Variants in LATS1 observed in about 807,000 individuals in gnomAD.
LATS1 encodes serine/threonine-protein kinase LATS1.
A neutral mutation model predicts 106.6 loss-of-function variants in LATS1; 25 were observed. The observed-to-expected ratio is 0.23, with a 90% confidence interval of 0.17 to 0.33. The LOEUF (loss-of-function observed/expected upper bound fraction) is 0.33, where lower values mean the gene tolerates loss of function less well. Among genes scored for constraint, LATS1 ranks in the 10% least tolerant of loss-of-function variants. LATS1 has a pLI of 1.00. For synonymous variants in LATS1, 465 were observed against 455.6 expected, an observed-to-expected ratio of 1.02 and a Z score of -0.26; for missense variants, 1,040 against 1,382.6, an observed-to-expected ratio of 0.75 and a Z score of 3.93.
intron 1 of LATS1, among the ~76,000 whole-genome samples, chr6:149,711,635 C>A (rs1024161252): frequency 3.3e-5 from 5 of 152,072 alleles, no homozygotes; most frequent in Non-Finnish European, 5.9e-5. Context: ...ACCCTTGGGT[C>A]CCCGACTTCT....
intron 1 of LATS1, among the ~76,000 whole-genome samples, chr6:149,702,860 A>G (rs190411506): frequency 2.9e-4 from 44 of 151,594 alleles, no homozygotes; most frequent in African/African-American, 9.0e-4. Flanking sequence ...TTTTTAGTAG[A>G]GAGGGGGTTT....
intron 7 of LATS1, chr6:149,675,671 C>T (rs1422421095): frequency 1.3e-5 from 2 of 152,374 alleles, no homozygotes; most frequent in Admixed American, 6.5e-5. Flanking sequence ...ATTTTCCCGC[C>T]TCAGCTTCCC....
intron 2 of LATS1, among the ~76,000 whole-genome samples, chr6:149,700,300 C>T (rs556653483): frequency 1.3e-5 from 2 of 152,054 alleles, no homozygotes; most frequent in East Asian, 3.9e-4. Context: ...ATGGTGAAAC[C>T]CCATCTCTAC....
At chr6:149,663,407 C>T (rs1001229605) in intron 7 of LATS1, among the ~76,000 whole-genome samples, 1 of 151,574 alleles carries the variant, frequency 6.6e-6, no homozygotes, top group South Asian at 2.1e-4. Context: ...CCAGGGAGGT[C>T]GAGGCTAGAG....
At chr6:149,708,908 C>T (rs1255831432) in intron 1 of LATS1, among the ~76,000 whole-genome samples, 1 of 152,100 alleles carries the variant, frequency 6.6e-6, no homozygotes, top group Non-Finnish European at 1.5e-5. Context: ...TTAGATCTTA[C>T]TATATAGGTA....
At chr6:149,669,262 T>C (rs1781323294) in intron 7 of LATS1, among the ~76,000 whole-genome samples, 1 of 151,868 alleles carries the variant, frequency 6.6e-6, no homozygotes, top group Non-Finnish European at 1.5e-5. Context: ...GCCTCCTGAG[T>C]AGCTGGCACT....
intron 7 of LATS1, among the ~76,000 whole-genome samples, chr6:149,664,331 C>A (rs1410105552): frequency 8.5e-6 from 1 of 117,458 alleles, no homozygotes; most frequent in Non-Finnish European, 1.7e-5. Flanking sequence ...TCATTAGAGT[C>A]TCAAAAGGTA....
intron 3 of LATS1, among the ~76,000 whole-genome samples, chr6:149,692,497 G>A (rs1301973104): frequency 6.6e-6 from 1 of 151,964 alleles, no homozygotes; most frequent in Non-Finnish European, 1.5e-5. Flanking sequence ...ATATATAGCT[G>A]TAATTCTACA....
rs185313709 is a variant in LATS1 at position 149,717,935 on chromosome 6, A to G, written c.-227T>C. Reference sequence around the variant, plus strand: ...GCCAGAGTCCGTCCCAGCAACCCCAAGTATCCCTGGTGGGGCAGAGCGGGG... The same window carrying G: ...GCCAGAGTCCGTCCCAGCAACCCCAGGTATCCCTGGTGGGGCAGAGCGGGG... On this transcript the variant is annotated 5_prime_UTR_variant, in exon 1 of 8. Transcript: ENST00000543571. 164 of 362,340 alleles carry G rather than the reference A, an allele frequency of 4.5e-4. No individual in the cohort carries two copies. Among genetic ancestry groups the G allele is most frequent in the African/African-American group, 2.9e-3 (128 of 43,522 alleles). 22.4% of individuals were successfully genotyped at this position (362,340 alleles called of 1,614,324 possible). A position where few individuals can be genotyped will look rare whatever the true frequency, so the allele number is the denominator to read the frequency against.
At position 149,702,233 on chromosome 6, in the gene LATS1, C is replaced by T. The variant is rs1582913441; in HGVS notation, c.-107G>A. On this transcript the variant is annotated 5_prime_UTR_variant, in exon 2 of 8. Coordinates refer to ENST00000543571, the MANE Select transcript of LATS1 (RefSeq NM_004690.4). ...TGATCCTTCAAGGAAGTCCCCAGGA[C>T]TGTTAAAATTCTTTACAATATAAAT... 1 of 652,566 alleles carries T rather than the reference C, an allele frequency of 1.5e-6. No homozygotes were observed. Among genetic ancestry groups the T allele is most frequent in the African/African-American group, 1.8e-5 (1 of 55,022 alleles). The allele number at this position is 652,566 out of a possible 1,614,324, so 40.4% of individuals were successfully genotyped here.
chr6:149,693,619 C>A (rs75975190), intron 3 of LATS1, among the ~76,000 whole-genome samples: 1 of 52,558 alleles, frequency 1.9e-5, no homozygotes, highest in Non-Finnish European at 3.5e-5. Context: ...CAAAAACAAA[C>A]AAACAAACAA....
At chr6:149,707,720 G>A (rs765157555) in intron 1 of LATS1, among the ~76,000 whole-genome samples, 1 of 152,148 alleles carries the variant, frequency 6.6e-6, no homozygotes, top group Non-Finnish European at 1.5e-5. Flanking sequence ...GAAAATACTT[G>A]TGGATAAAAT....
At chr6:149,673,507 AT>A (rs1235090177) in intron 7 of LATS1, among the ~76,000 whole-genome samples, 2 of 151,480 alleles carry the variant, frequency 1.3e-5, no homozygotes, top group Non-Finnish European at 2.9e-5. Context: ...AAAGCATACA[AT>A]TTTTTTTCTC....
intron 1 of LATS1, among the ~76,000 whole-genome samples, chr6:149,717,193 G>C (rs539534993): frequency 1.3e-5 from 2 of 152,216 alleles, no homozygotes; most frequent in African/African-American, 4.8e-5. Flanking sequence ...CTTAGAAATT[G>C]ACAGAGAAGT....
rs2114817813 is a variant in LATS1, at chr6:149,683,541, G to A, written c.1548C>T (p.His516=). ...PELQTALAPT[H]PSWIPQPIQT... ...GAATTGGCTGTGGTATCCAAGAAGG[G>A]TGTGTAGGTGCTAAAGCAGTCTGTA... is the stretch of plus-strand genomic sequence containing the variant. The change falls in exon 4 of 8, where the codon CAC becomes CAT. Residue 516 remains histidine, a synonymous_variant. Transcript: ENST00000543571. 2 of 1,614,234 alleles carry A rather than the reference G, an allele frequency of 1.2e-6. No homozygotes were observed. The highest frequency in any genetic ancestry group is 4.5e-5 in the East Asian group (2 of 44,894).
At chr6:149,690,601 C>T (rs1782686720) in intron 3 of LATS1, among the ~76,000 whole-genome samples, 1 of 151,062 alleles carries the variant, frequency 6.6e-6, no homozygotes, top group African/African-American at 2.4e-5. Flanking sequence ...GGCTGGAGTG[C>T]AGCGGCGCAA....
chr6:149,682,215 T>C (rs1325056145), intron 4 of LATS1, among the ~76,000 whole-genome samples: 1 of 152,120 alleles, frequency 6.6e-6, no homozygotes, highest in African/African-American at 2.4e-5. Context: ...TCCCTTTTAG[T>C]ATAGTTTCAC....
At chr6:149,670,521 C>T (rs1781390298) in intron 7 of LATS1, among the ~76,000 whole-genome samples, 1 of 151,988 alleles carries the variant, frequency 6.6e-6, no homozygotes, top group Admixed American at 6.6e-5. Context: ...TACCATTCCT[C>T]AGTCCTGCAG....
In LATS1 at chr6:149,683,119, C is replaced by T. The variant is rs1314146200; in HGVS notation, c.1970G>A (p.Arg657His). 5.0e-6 allele frequency: 8 copies of T among 1,613,008 alleles called. No individual in the cohort carries two copies. The highest frequency in any genetic ancestry group is 1.1e-5 in the South Asian group (1 of 91,022). ...VENVLKSHQQ[R>H]LHRKKQLENE... ...CTCTAATTGTTTTTTACGATGTAGACGCTGCTGATGAGATTTGAGTACATT... is the reference window on the plus strand; with the variant it reads ...CTCTAATTGTTTTTTACGATGTAGATGCTGCTGATGAGATTTGAGTACATT... Residue 657 changes from arginine to histidine, a missense_variant, in exon 4 of 8, where the codon CGT becomes CAT. Physicochemically the swap from Arg to His is conservative, Grantham distance 29 (BLOSUM62 0). Coordinates refer to ENST00000543571, the MANE Select transcript of LATS1 (RefSeq NM_004690.4).
Sources: allele counts gnomAD v4.1 joint callset (sites outside exome capture counted in the v4.1 genomes callset), GRCh38; gene constraint gnomAD v4.1.1; transcripts MANE v1.5; gene names NCBI Gene and HGNC (gene_info 2026-07-23, HGNC 2026-07-21).